The following SERPINA5 variants were observed in gnomAD, a reference collection of about 807,000 sequenced individuals.
SERPINA5 encodes plasma serine protease inhibitor.
Under a neutral mutation model 25.3 loss-of-function variants are expected in SERPINA5, and 25 were observed. The ratio of observed to expected loss-of-function variants is 0.99; its 90% CI spans 0.72 to 1.38. SERPINA5 has a LOEUF of 1.38. Ranked by LOEUF, SERPINA5 falls within the 40% of genes most tolerant of loss-of-function variation. SERPINA5 has a pLI of 0.00. For synonymous variants in SERPINA5, 234 were observed against 206.2 expected (o/e 1.14, Z -1.16); for missense variants, 599 against 509.5 (o/e 1.18, Z -1.69).
chr14:94,592,186 A>G lies in SERPINA5; in HGVS notation c.1168A>G (p.Met390Val), dbSNP rs1885329149. ...QRLVFNRPFLMFIVDNNILFL... is the reference protein window; with the variant it reads ...QRLVFNRPFLVFIVDNNILFL... ...GCTAGTGTTCAACAGGCCCTTTCTGATGTTCATTGTGGATAACAACATCCT... is the reference window on the plus strand; with the variant it reads ...GCTAGTGTTCAACAGGCCCTTTCTGGTGTTCATTGTGGATAACAACATCCT... The change falls in exon 6 of 6, where the codon ATG (methionine) becomes GTG (valine). Residue 390 changes from methionine (M) to valine (V), a missense_variant. By Grantham distance (21) the Met-to-Val change is conservative (BLOSUM62 1). Coordinates refer to ENST00000329597, the MANE Select transcript of SERPINA5 (RefSeq NM_000624.6). 2 of 1,614,122 alleles carry G rather than the reference A, an allele frequency of 1.2e-6. No homozygotes were observed. Among genetic ancestry groups the G allele is most frequent in the Non-Finnish European group, 1.7e-6 (2 of 1,180,030 alleles).
intron 2 of SERPINA5, among the ~76,000 whole-genome samples, chr14:94,582,911 T>G (rs1884959776): frequency 6.6e-6 from 1 of 152,192 alleles, no homozygotes; most frequent in African/African-American, 2.4e-5. Flanking sequence ...GAAGTGACAT[T>G]TAAGCAAAAG....
In SERPINA5 at chr14:94,586,656, G is replaced by A. The variant is rs141811022; in HGVS notation, c.-17-690G>A. ...GCATTTTGGGGGCACAATTCAGCCAGAACAGGAGGACGGTGGGGATGTCCA... is the reference window on the plus strand; with the variant it reads ...GCATTTTGGGGGCACAATTCAGCCAAAACAGGAGGACGGTGGGGATGTCCA... On this transcript the variant is annotated intron_variant, in intron 2 of 5. Transcript: ENST00000329597. Among the ~76,000 whole-genome samples, 3 of 152,310 alleles carry A rather than the reference G, an allele frequency of 2.0e-5. No homozygotes were observed. In the East Asian group the frequency reaches 5.8e-4, roughly 29 times the overall value.
chr14:94,584,182 A>G (rs1384058371), intron 2 of SERPINA5, among the ~76,000 whole-genome samples: 1 of 152,198 alleles, frequency 6.6e-6, no homozygotes, highest in Non-Finnish European at 1.5e-5. Flanking sequence ...AGTCAGAGGA[A>G]CCTGGATTTT....
chr14:94,590,807 G>C lies in SERPINA5; in HGVS notation c.949G>C (p.Val317Leu), dbSNP rs61761874. 6 of 1,613,986 alleles carry C rather than the reference G, an allele frequency of 3.7e-6. No individual in the cohort carries two copies. In the South Asian group the frequency reaches 5.5e-5, roughly 15 times the overall value. ...TGAGGGCTCCTATCAGCTGGAGAAA[G>C]TCCTCCCCAGTCTGGGGATCAGTAA... The part of the protein sequence containing the change: ...SIEGSYQLEK[V>L]LPSLGISNVF... The change falls in exon 5 of 6, where the codon GTC becomes CTC. Residue 317 changes from valine (V) to leucine (L), a missense_variant. By Grantham distance (32) the Val-to-Leu change is conservative. Coordinates refer to ENST00000329597, the MANE Select transcript of SERPINA5 (RefSeq NM_000624.6).
In SERPINA5 at chr14:94,590,103, G is replaced by C. The variant is rs140138746; in HGVS notation, c.682G>C (p.Glu228Gln). 4,883 of 1,613,588 alleles carry C rather than the reference G, an allele frequency of 3.0e-3. 13 individuals carry two copies. The highest frequency in any genetic ancestry group is 3.6e-3 in the Non-Finnish European group (4,272 of 1,179,674). Reference sequence around the variant, plus strand: ...AGAGCAAGACTTCTACGTGACCTCGGAGACTGTGGTGCGGGTACCCATGAT... The same window carrying C: ...AGAGCAAGACTTCTACGTGACCTCGCAGACTGTGGTGCGGGTACCCATGAT... The part of the protein sequence containing the change: ...TQEQDFYVTS[E>Q]TVVRVPMMSR... Residue 228 changes from glutamate (E) to glutamine (Q), a missense_variant, in exon 4 of 6, where the codon GAG becomes CAG. By Grantham distance (29) the Glu-to-Gln change is conservative (BLOSUM62 2). Transcript: ENST00000329597.
chr14:94,590,043 A>G lies in SERPINA5; in HGVS notation c.622A>G (p.Lys208Glu), dbSNP rs772920719. The G allele has an allele frequency of 1.1e-5, 18 of 1,570,864 alleles. No homozygotes were observed. The East Asian group carries it at 3.2e-4, about 28-fold the overall frequency. Residue 208 changes from lysine to glutamate, a missense_variant and splice_region_variant, in exon 4 of 6, where the codon AAG becomes GAG. Physicochemically the swap from Lys to Glu is moderately conservative, Grantham distance 56. Coordinates refer to ENST00000329597, the MANE Select transcript of SERPINA5 (RefSeq NM_000624.6). ...TTTTTCCCTTTTTTCATCTTTAGCT[A>G]AGTGGGAGACAAGCTTCAACCACAA... Reference protein sequence around the residue: ...IMVNYIFFKAKWETSFNHKGT... With the variant: ...IMVNYIFFKAEWETSFNHKGT...
chr14:94,592,125 A>T lies in SERPINA5; in HGVS notation c.1107A>T (p.Ile369=), dbSNP rs6116. The change falls in exon 6 of 6, where the codon ATA becomes ATT. Residue 369 remains isoleucine (I), a synonymous_variant. Transcript: ENST00000329597. The part of the protein sequence containing the change: ...GTRAAAATGT[I]FTFRSARLNS... The stretch of plus-strand genomic sequence containing the variant: ...GAGCAGCGGCAGCCACGGGGACAAT[A>T]TTCACTTTCAGGTCGGCCCGCCTGA... 6.2e-7 allele frequency: 1 copy of T among 1,613,894 alleles called. No individual in the cohort carries two copies. The highest frequency in any genetic ancestry group is 8.5e-7 in the Non-Finnish European group (1 of 1,179,972).
intron 4 of SERPINA5, 105 bp from the exon 5 acceptor site, chr14:94,590,644 T>C (rs75854579): frequency 3.0e-6 from 4 of 1,347,866 alleles, no homozygotes; most frequent in East Asian, 2.3e-5. Context: ...AGTCCTTTTT[T>C]AAAACCATCA....
chr14:94,590,403 G>A, intron 4 of SERPINA5, 92 bp downstream of exon 4: 1 of 1,444,378 alleles, frequency 6.9e-7, no homozygotes. Context: ...CTGGTGGGAA[G>A]GACTCACCCA....
At chr14:94,590,414 G>C (rs1438674726) in intron 4 of SERPINA5, 103 bp downstream of exon 4, 3 of 1,396,690 alleles carry the variant, frequency 2.1e-6, no homozygotes, top group South Asian at 3.1e-5. Flanking sequence ...GACTCACCCA[G>C]CCAAGGAGCT....
chr14:94,587,613 G>T lies in SERPINA5; in HGVS notation c.251G>T (p.Gly84Val). 1.2e-6 allele frequency: 2 copies of T among 1,614,042 alleles called. No individual in the cohort carries two copies. The highest frequency in any genetic ancestry group is 1.7e-6 in the Non-Finnish European group (2 of 1,179,950). ...CTGGCCATGCTCTCCCTGGGGGCTGGGTCCAGCACAAAGATGCAGATCCTG... is the reference window on the plus strand; with the variant it reads ...CTGGCCATGCTCTCCCTGGGGGCTGTGTCCAGCACAAAGATGCAGATCCTG... ...MSLAMLSLGA[G>V]SSTKMQILEG... is the part of the protein sequence containing the mutation. The change falls in exon 3 of 6, where the codon GGG becomes GTG. Residue 84 changes from glycine (G) to valine (V), a missense_variant. By Grantham distance (109) the Gly-to-Val change is moderately radical. Coordinates refer to ENST00000329597, the MANE Select transcript of SERPINA5 (RefSeq NM_000624.6).
chr14:94,591,600 T>TTCTATTCTATTCTATTCTATTCTAG (rs1885303310), intron 5 of SERPINA5, among the ~76,000 whole-genome samples: 1 of 145,836 alleles, frequency 6.9e-6, no homozygotes, highest in East Asian at 2.0e-4. Context: ...TTCTATTCTA[T>TTCTATTCTATTCTATTCTATTCTAG]TCTATTCTAT....
At chr14:94,582,061 A>G (rs760267112) in intron 2 of SERPINA5, 1 of 152,216 alleles carries the variant, frequency 6.6e-6, no homozygotes, top group Non-Finnish European at 1.5e-5. Flanking sequence ...ATCAGGAACA[A>G]TGATCCAATA....
chr14:94,583,538 G>A (rs1884981583), intron 2 of SERPINA5, among the ~76,000 whole-genome samples: 1 of 152,200 alleles, frequency 6.6e-6, no homozygotes, highest in African/African-American at 2.4e-5. Flanking sequence ...GTAATTAGAA[G>A]ATATTGGACA....
intron 3 of SERPINA5, 81 bp from the exon 4 acceptor site, chr14:94,589,960 C>T: frequency 7.3e-7 from 1 of 1,375,980 alleles, no homozygotes; most frequent in Non-Finnish European, 9.9e-7. Flanking sequence ...TCTTTACTGT[C>T]TTCACTCCTT....
In SERPINA5 at chr14:94,585,764, CGTGT is replaced by C. The variant is rs3138588; in HGVS notation, c.-17-1545_-17-1542del. Among the ~76,000 whole-genome samples the C allele has an allele frequency of 5.6e-3, 821 of 145,840 alleles. 5 individuals carry two copies. The highest frequency in any genetic ancestry group is 0.014 in the East Asian group (68 of 4,864). ...CAGCCTGGGTGCTGTCAGGCTCACA[CGTGT>C]GTGTGTGTGTGTGTGTGTGTGTGTG... On this transcript the variant is annotated intron_variant, in intron 2 of 5. Transcript: ENST00000329597.
In SERPINA5 at chr14:94,590,896, G is replaced by A. The variant is rs1405349837; in HGVS notation, c.1038G>A (p.Glu346=). Residue 346 remains glutamate, a splice_region_variant and synonymous_variant, in exon 5 of 6, where the codon GAG becomes GAA. Transcript: ENST00000329597. The part of the protein sequence containing the change: ...ISNHSNIQVS[E]MVHKAVVEVD... ...ACCACTCAAATATCCAGGTGTCTGA[G>A]GTGGGTTCAGAAGCTCCTATGCATC... is the stretch of plus-strand genomic sequence containing the variant. 1.2e-6 allele frequency: 2 copies of A among 1,609,306 alleles called. No homozygotes were observed. The highest frequency in any genetic ancestry group is 2.7e-5 in the African/African-American group (2 of 74,700).
intron 3 of SERPINA5, among the ~76,000 whole-genome samples, chr14:94,589,548 G>A (rs1466515980): frequency 1.3e-5 from 2 of 152,174 alleles, no homozygotes; most frequent in Non-Finnish European, 2.9e-5. Context: ...AGTTCCCATA[G>A]GAAGGTCAGA....
intron 5 of SERPINA5, among the ~76,000 whole-genome samples, 163 bp downstream of exon 5, chr14:94,591,059 T>C: frequency 3.2e-5 from 3 of 94,918 alleles, no homozygotes; most frequent in Middle Eastern, 9.4e-3. Context: ...CCACTCCAGT[T>C]CACTTTATTC....
Sources: allele counts gnomAD v4.1 joint callset (sites outside exome capture counted in the v4.1 genomes callset), GRCh38; gene constraint gnomAD v4.1.1; transcripts MANE v1.5; gene names NCBI Gene and HGNC (gene_info 2026-07-23, HGNC 2026-07-21).